USP10: variants seen among roughly 807,000 people sequenced by gnomAD.
USP10 encodes ubiquitin carboxyl-terminal hydrolase 10.
Under a neutral mutation model 84.5 loss-of-function variants are expected in USP10, and 22 were observed. That is an observed-to-expected ratio of 0.26 (90% CI 0.19 to 0.37). USP10 has a LOEUF of 0.37. Among genes scored for constraint, USP10 ranks in the 10% least tolerant of loss-of-function variants. The probability of loss-of-function intolerance (pLI) is 1.00; values close to 1 mark genes in which losing one functional copy is unlikely to be tolerated. For missense variants in USP10, 1,019 were observed against 998.9 expected (o/e 1.02, Z -0.27); for synonymous variants, 454 against 387.6 (o/e 1.17, Z -2.01).
At chr16:84,769,314 C>T (rs957198537) in intron 11 of USP10, among the ~76,000 whole-genome samples, 4 of 152,174 alleles carry the variant, frequency 2.6e-5, no homozygotes, top group Admixed American at 1.3e-4. Flanking sequence ...GGACCCTTAG[C>T]ACCTTCGGGG....
intron 1 of USP10, 30 bp downstream of exon 1, chr16:84,700,141 A>G: frequency 7.6e-7 from 1 of 1,315,234 alleles, no homozygotes; most frequent in Non-Finnish European, 9.9e-7. Flanking sequence ...TTCGGCCGGA[A>G]GGGGCCCGAG....
chr16:84,763,420 A>G (rs954701332), intron 9 of USP10, among the ~76,000 whole-genome samples: 3 of 152,362 alleles, frequency 2.0e-5, no homozygotes, highest in Middle Eastern at 3.4e-3. Context: ...GTATATATAT[A>G]TATGTCTTAT....
intron 4 of USP10, among the ~76,000 whole-genome samples, chr16:84,752,730 T>C (rs1171470111): frequency 6.6e-6 from 1 of 152,192 alleles, no homozygotes; most frequent in Non-Finnish European, 1.5e-5. Flanking sequence ...CCTGTTTTTT[T>C]CACTGCGAGG....
intron 1 of USP10, among the ~76,000 whole-genome samples, chr16:84,701,937 CTTTTT>C (rs575487855): frequency 1.6e-5 from 2 of 124,578 alleles, no homozygotes; most frequent in Admixed American, 8.4e-5. Context: ...TTTTCTTCTT[CTTTTT>C]TTTTTTTTTT....
In USP10 at chr16:84,705,688, G is replaced by A. The variant is rs147460724; in HGVS notation, c.21+5577G>A. Among the ~76,000 whole-genome samples, 272 of 140,954 alleles carry A rather than the reference G, an allele frequency of 1.9e-3. 2 individuals are homozygous for A. The highest frequency in any genetic ancestry group is 6.4e-3 in the African/African-American group (247 of 38,330). The allele number at this position is 140,954 out of a possible 152,430, so 92.5% of individuals were successfully genotyped here. ...GCTCCTTTCCATTTGTGTATGTTGA[G>A]TACAGACATAATCATGCCCTTGCTT... On this transcript the variant is annotated intron_variant, in intron 1 of 13. Coordinates refer to ENST00000219473, the MANE Select transcript of USP10 (RefSeq NM_005153.3).
chr16:84,764,998 C>G (rs1913689278), intron 10 of USP10, among the ~76,000 whole-genome samples: 1 of 149,058 alleles, frequency 6.7e-6, no homozygotes, highest in African/African-American at 2.5e-5. Flanking sequence ...AAAACCACCT[C>G]CGGGAGGCAG....
At position 84,760,213 on chromosome 16, in the gene USP10, G is replaced by C. The variant is rs1177870636; in HGVS notation, c.1492G>C (p.Ala498Pro). 2 of 1,611,094 alleles carry C rather than the reference G, an allele frequency of 1.2e-6. No homozygotes were observed. The highest frequency in any genetic ancestry group is 1.1e-5 in the South Asian group (1 of 90,304). ...CGTGAGGGATATTCGCCCTGGAGCT[G>C]CCTTTGAGCCCACATATATTTACAG... ...KIVRDIRPGA[A>P]FEPTYIYRLL... is the part of the protein sequence containing the mutation. Residue 498 changes from alanine to proline, a missense_variant, in exon 8 of 14, where the codon GCC (alanine) becomes CCC (proline). Coordinates refer to ENST00000219473, the MANE Select transcript of USP10 (RefSeq NM_005153.3).
chr16:84,760,073 C>G (rs373967964), intron 7 of USP10, 99 bp from the exon 8 acceptor site: 3 of 1,508,934 alleles, frequency 2.0e-6, no homozygotes, highest in East Asian at 4.6e-5. Context: ...TCTCAACATT[C>G]AGCCAGGTGG....
Position 84,778,911 on chromosome 16 carries a change from C to T in USP10, c.2226C>T (p.Gly742=). Residue 742 remains glycine (G), a synonymous_variant, in exon 14 of 14, where the codon GGC becomes GGT. Transcript: ENST00000219473. ...CTCTTCCAGTGGTCTACCATCACGG[C>T]AACAGTGCGACGGGCGGCCATTACA... is the stretch of plus-strand genomic sequence containing the variant. ...YRLFAVVYHH[G]NSATGGHYTT... The T allele has an allele frequency of 6.2e-7, 1 of 1,613,510 alleles. No individual in the cohort carries two copies. The highest frequency in any genetic ancestry group is 1.1e-5 in the South Asian group (1 of 91,006).
intron 4 of USP10, among the ~76,000 whole-genome samples, chr16:84,750,362 G>A (rs1348833638): frequency 1.3e-5 from 2 of 150,206 alleles, no homozygotes; most frequent in Admixed American, 6.7e-5. Flanking sequence ...AGCCCAGATC[G>A]TGCCACTGCA....
chr16:84,722,400 C>G (rs74029978), intron 1 of USP10, among the ~76,000 whole-genome samples: 10,000 of 152,274 alleles, frequency 0.066, 378 homozygotes, highest in African/African-American at 0.072. Context: ...GTACAAGTGT[C>G]TGTGTGGACA....
intron 1 of USP10, among the ~76,000 whole-genome samples, chr16:84,717,710 A>G (rs1024190724): frequency 3.3e-5 from 5 of 152,158 alleles, no homozygotes; most frequent in African/African-American, 1.2e-4. Context: ...AGAGTTGAAG[A>G]GGAGATGCAT....
chr16:84,705,760 C>T (rs1370178603), intron 1 of USP10, among the ~76,000 whole-genome samples: 9 of 132,118 alleles, frequency 6.8e-5, no homozygotes, highest in Non-Finnish European at 1.1e-4. Flanking sequence ...TGCTCTGTTG[C>T]CCAGGCTGGA....
intron 12 of USP10, among the ~76,000 whole-genome samples, chr16:84,774,338 G>T (rs751346765): frequency 6.6e-6 from 1 of 152,174 alleles, no homozygotes; most frequent in African/African-American, 2.4e-5. Flanking sequence ...GCATGCCTCC[G>T]ACGGACTCTT....
intron 1 of USP10, among the ~76,000 whole-genome samples, chr16:84,726,607 C>T (rs1015770463): frequency 3.9e-5 from 6 of 152,156 alleles, no homozygotes; most frequent in African/African-American, 9.7e-5. Flanking sequence ...CCCCTTTTCT[C>T]GAAGTGTTTC....
intron 10 of USP10, among the ~76,000 whole-genome samples, chr16:84,764,927 G>GAGAT: frequency 2.1e-5 from 1 of 47,650 alleles, no homozygotes; most frequent in Non-Finnish European, 3.6e-5. Context: ...CCACGAGAGA[G>GAGAT]AGAGAAAAAA....
chr16:84,707,825 TC>T (rs1905738358), intron 1 of USP10, among the ~76,000 whole-genome samples: 1 of 152,112 alleles, frequency 6.6e-6, no homozygotes. Context: ...ACGCCTGTAA[TC>T]CCAGCACTTT....
intron 1 of USP10, among the ~76,000 whole-genome samples, chr16:84,724,816 G>A (rs921052713): frequency 2.0e-5 from 3 of 152,090 alleles, no homozygotes; most frequent in Non-Finnish European, 2.9e-5. Context: ...TTAAATTGGC[G>A]AACTTCCTGG....
intron 1 of USP10, among the ~76,000 whole-genome samples, chr16:84,722,737 T>G (rs2150781106): frequency 1.3e-5 from 2 of 152,196 alleles, no homozygotes; most frequent in African/African-American, 4.8e-5. Flanking sequence ...TTTTTGTATT[T>G]TTAGTAGAGA....
Sources: allele counts gnomAD v4.1 joint callset (sites outside exome capture counted in the v4.1 genomes callset), GRCh38; gene constraint gnomAD v4.1.1; transcripts MANE v1.5; gene names NCBI Gene and HGNC (gene_info 2026-07-23, HGNC 2026-07-21).